Variants in PALLD observed in about 807,000 individuals in gnomAD.
The protein encoded by PALLD is palladin, cytoskeletal associated protein.
In PALLD, 61 loss-of-function variants were observed where a neutral mutation model predicts 123.5. The ratio of observed to expected loss-of-function variants is 0.49; its 90% CI spans 0.40 to 0.61. The LOEUF is 0.61. Among genes scored for constraint, PALLD ranks in the 20% least tolerant of loss-of-function variants. PALLD has a pLI of 0.00. For missense variants in PALLD, 1,273 were observed against 1,377.0 expected (o/e 0.92, Z 1.20); for synonymous variants, 465 against 496.4 (o/e 0.94, Z 0.84).
intron 2 of PALLD, among the ~76,000 whole-genome samples, chr4:168,562,639 TG>T (rs1295457869): frequency 1.3e-5 from 2 of 152,056 alleles, no homozygotes; most frequent in Non-Finnish European, 2.9e-5. Context: ...AGGAAAGTGT[TG>T]CTGGAAAAGA....
At chr4:168,759,133 C>T (rs531602694) in intron 10 of PALLD, among the ~76,000 whole-genome samples, 38 of 134,446 alleles carry the variant, frequency 2.8e-4, no homozygotes, top group Non-Finnish European at 5.4e-4. Flanking sequence ...GAGCCGAGAT[C>T]GTGCCATTGC....
chr4:168,752,411 G>A (rs1286996993), intron 10 of PALLD, among the ~76,000 whole-genome samples: 1 of 152,196 alleles, frequency 6.6e-6, no homozygotes, highest in Non-Finnish European at 1.5e-5. Context: ...TACCATGCTA[G>A]AGTTATGTTC....
chr4:168,544,588 T>C (rs747175569), intron 2 of PALLD, among the ~76,000 whole-genome samples: 1 of 152,262 alleles, frequency 6.6e-6, no homozygotes, highest in Non-Finnish European at 1.5e-5. Flanking sequence ...ATTATATGAC[T>C]TTTAAAAATC....
chr4:168,697,560 C>T (rs977332974), intron 8 of PALLD, among the ~76,000 whole-genome samples: 29 of 152,176 alleles, frequency 1.9e-4, no homozygotes, highest in Admixed American at 1.4e-3. Flanking sequence ...ACCCAGAAAT[C>T]TCATGTCTAC....
chr4:168,634,555 C>T (rs1187934599), intron 2 of PALLD, among the ~76,000 whole-genome samples: 1 of 152,186 alleles, frequency 6.6e-6, no homozygotes, highest in Non-Finnish European at 1.5e-5. Flanking sequence ...CAGCGCAGAA[C>T]CTTTTCAAAG....
At chr4:168,827,579 A>G (rs550593944) in intron 10 of PALLD, among the ~76,000 whole-genome samples, 1 of 152,374 alleles carries the variant, frequency 6.6e-6, no homozygotes, top group African/African-American at 2.4e-5. Flanking sequence ...CTATGAAGCA[A>G]TATCAGGTAA....
intron 10 of PALLD, among the ~76,000 whole-genome samples, chr4:168,747,761 G>C (rs1331885548): frequency 6.6e-6 from 1 of 152,208 alleles, no homozygotes; most frequent in Non-Finnish European, 1.5e-5. Context: ...TTTGCGTTAA[G>C]AGAATTTTAG....
At chr4:168,767,617 A>AG (rs1258151774) in intron 10 of PALLD, among the ~76,000 whole-genome samples, 1 of 143,158 alleles carries the variant, frequency 7.0e-6, no homozygotes, top group African/African-American at 2.6e-5. Context: ...GCGCGATCTC[A>AG]GCTCACCACA....
intron 10 of PALLD, among the ~76,000 whole-genome samples, chr4:168,734,329 G>A (rs2062591): frequency 0.5 from 76,506 of 151,638 alleles, 19,501 homozygotes; most frequent in South Asian, 0.59. Flanking sequence ...GGAGAAGCCA[G>A]CTACATCCTG....
At chr4:168,508,241 G>A (rs936038549) in intron 1 of PALLD, among the ~76,000 whole-genome samples, 3 of 151,690 alleles carry the variant, frequency 2.0e-5, no homozygotes, top group African/African-American at 7.3e-5. Flanking sequence ...AACATCACTA[G>A]GTACCCCATA....
chr4:168,923,270 T>C (rs1210434459), intron 18 of PALLD, among the ~76,000 whole-genome samples: 2 of 152,196 alleles, frequency 1.3e-5, no homozygotes, highest in African/African-American at 4.8e-5. Context: ...TCCAACCTTC[T>C]AACTAACTCG....
intron 2 of PALLD, among the ~76,000 whole-genome samples, chr4:168,534,005 T>C (rs764408296): frequency 6.6e-6 from 1 of 152,218 alleles, no homozygotes. Flanking sequence ...AATAATCTTG[T>C]ATAATATATT....
At chr4:168,593,059 G>T (rs1214291705) in intron 2 of PALLD, among the ~76,000 whole-genome samples, 2 of 151,670 alleles carry the variant, frequency 1.3e-5, no homozygotes, top group African/African-American at 2.4e-5. Flanking sequence ...TACTATAAGA[G>T]ACTTCATAAA....
intron 2 of PALLD, among the ~76,000 whole-genome samples, chr4:168,666,067 A>T (rs1456203061): frequency 6.6e-6 from 1 of 152,172 alleles, no homozygotes; most frequent in Non-Finnish European, 1.5e-5. Flanking sequence ...CAAACCCTTA[A>T]AAGTATAAAA....
At chr4:168,881,500 C>T (rs1012702860) in intron 10 of PALLD, among the ~76,000 whole-genome samples, 130 of 146,858 alleles carry the variant, frequency 8.9e-4, no homozygotes, top group Admixed American at 2.8e-3. Context: ...CAACCAACTG[C>T]ATGCTGTTCT....
chr4:168,771,595 C>G (rs1297967140), intron 10 of PALLD, among the ~76,000 whole-genome samples: 1 of 152,156 alleles, frequency 6.6e-6, no homozygotes, highest in Non-Finnish European at 1.5e-5. Flanking sequence ...TTAAGCAGGG[C>G]ATCAGTGTGA....
In PALLD at chr4:168,512,159, G is replaced by A. The variant is rs1457865481; in HGVS notation, c.655G>A (p.Ala219Thr). ...NQPSALLSAS[A>T]SQSPMEDQGE... Reference sequence around the variant, plus strand: ...GCCGTCAGCCCTGCTGAGTGCCTCAGCCAGCCAGAGCCCTATGGAAGACCA... The same window carrying A: ...GCCGTCAGCCCTGCTGAGTGCCTCAACCAGCCAGAGCCCTATGGAAGACCA... Residue 219 changes from alanine (A) to threonine (T), a missense_variant, in exon 2 of 22, where the codon GCC becomes ACC. Ala to Thr is a moderately conservative substitution (Grantham distance 58). Transcript: ENST00000505667. 4 of 1,614,174 alleles carry A rather than the reference G, an allele frequency of 2.5e-6. No individual in the cohort carries two copies. Among genetic ancestry groups the A allele is most frequent in the Non-Finnish European group, 3.4e-6 (4 of 1,180,024 alleles).
chr4:168,816,040 T>C (rs529822176), intron 10 of PALLD, among the ~76,000 whole-genome samples: 2 of 152,320 alleles, frequency 1.3e-5, no homozygotes, highest in African/African-American at 2.4e-5. Context: ...ATGTGTTTAT[T>C]TGACATAATG....
intron 15 of PALLD, among the ~76,000 whole-genome samples, chr4:168,913,507 A>T (rs1171274998): frequency 1.3e-5 from 2 of 152,174 alleles, no homozygotes; most frequent in Admixed American, 6.5e-5. Context: ...GAAATCATCT[A>T]GGTTTGATTT....
Sources: gnomAD v4.1 joint callset for allele counts (sites outside exome capture counted in the v4.1 genomes callset) on GRCh38, gnomAD v4.1.1 for gene constraint, MANE v1.5 for transcripts, NCBI Gene and HGNC (gene_info 2026-07-23, HGNC 2026-07-21) for gene names.